Variants in FCHSD2 observed in about 807,000 individuals in gnomAD.
FCHSD2 encodes FCH and double SH3 domains 2, also known as F-BAR and double SH3 domains protein 2.
In FCHSD2, 38 loss-of-function variants were observed where a neutral mutation model predicts 108.1. The observed-to-expected ratio is 0.35, with a 90% CI of 0.27 to 0.46. The LOEUF is 0.46. Among genes scored for constraint, FCHSD2 ranks in the 20% least tolerant of loss-of-function variants. FCHSD2 has a pLI of 1.00. For missense variants in FCHSD2, 751 were observed against 897.8 expected (o/e 0.84, Z 2.09); for synonymous variants, 279 against 314.7 (o/e 0.89, Z 1.20).
Position 72,837,495 on chromosome 11 carries a change from G to A in FCHSD2, c.*1296C>T, listed in dbSNP as rs1403388065. Reference sequence around the variant, plus strand: ...AAAAAAAAAACAAACCACAACCGGCGAACATCCCTTAGTCCCTAGGTATTG... The same window carrying A: ...AAAAAAAAAACAAACCACAACCGGCAAACATCCCTTAGTCCCTAGGTATTG... On this transcript the variant is annotated 3_prime_UTR_variant, in exon 20 of 20. Coordinates refer to ENST00000409418, the MANE Select transcript of FCHSD2 (RefSeq NM_014824.3). 2.0e-5 allele frequency: 3 copies of A among 151,102 alleles called. No homozygotes were observed. Among genetic ancestry groups the A allele is most frequent in the African/African-American group, 7.3e-5 (3 of 41,130 alleles). The allele number at this position is 151,102 out of a possible 1,614,324, so 9.4% of individuals were successfully genotyped here. A position where few individuals can be genotyped will look rare whatever the true frequency, so the allele number is the denominator to read the frequency against.
At position 72,849,751 on chromosome 11, in the gene FCHSD2, A is replaced by C; in HGVS notation, c.1443+4T>G. 1 of 1,606,578 alleles carries C rather than the reference A, an allele frequency of 6.2e-7. No individual in the cohort carries two copies. Among genetic ancestry groups the C allele is most frequent in the South Asian group, 1.1e-5 (1 of 90,362 alleles). On this transcript the variant is annotated splice_donor_region_variant and intron_variant, in intron 14 of 19. Coordinates refer to ENST00000409418, the MANE Select transcript of FCHSD2 (RefSeq NM_014824.3). ...TAATAACATTATGTTGGAGAAATAC[A>C]AACCTTGTAGGAATAAACAACTTTG...
chr11:73,023,576 C>T (rs1256820050), intron 3 of FCHSD2, among the ~76,000 whole-genome samples: 57 of 152,116 alleles, frequency 3.7e-4, no homozygotes, highest in Non-Finnish European at 5.9e-5. Flanking sequence ...ACTCCTTCAA[C>T]GGTGGTGGGA....
intron 4 of FCHSD2, among the ~76,000 whole-genome samples, chr11:73,009,291 G>A (rs185045639): frequency 6.6e-5 from 10 of 152,252 alleles, no homozygotes; most frequent in Admixed American, 5.9e-4. Context: ...AGATCAAAGA[G>A]TTTGAGACCA....
intron 4 of FCHSD2, among the ~76,000 whole-genome samples, chr11:73,004,817 C>T (rs1422656030): frequency 6.6e-6 from 1 of 152,090 alleles, no homozygotes; most frequent in Non-Finnish European, 1.5e-5. Context: ...ACTACATTTC[C>T]TTAATCCATT....
chr11:73,129,278 GGGGTCCCCAACCCCCAGGCCAC>G (rs1860934871), intron 2 of FCHSD2, among the ~76,000 whole-genome samples: 1 of 152,164 alleles, frequency 6.6e-6, no homozygotes, highest in Admixed American at 6.5e-5. Context: ...CTCTAAACCA[GGGGTCCCCAACCCCCAGGCCAC>G]GGACCACTAA....
At chr11:72,996,779 C>G (rs997896739) in intron 5 of FCHSD2, among the ~76,000 whole-genome samples, 11 of 152,162 alleles carry the variant, frequency 7.2e-5, no homozygotes, top group African/African-American at 2.7e-4. Flanking sequence ...AAAAGTTGAA[C>G]AAAATACATT....
chr11:72,941,468 G>GTTTTATATTCCCCACTCTATTTTATAT (rs60755272), intron 8 of FCHSD2, among the ~76,000 whole-genome samples: 35,249 of 151,048 alleles, frequency 0.23, 4,206 homozygotes, highest in Middle Eastern at 0.32. Flanking sequence ...ATAAAATATA[G>GTTTTATATTCCCCACTCTATTTTATAT]ACTCCCAACT....
In FCHSD2 at chr11:72,875,581, C is replaced by T. The variant is rs1463188790; in HGVS notation, c.1147-7555G>A. ...TGGCCTCAAACGATCCTTCCGCCCT[C>T]CTGCCCTGGCCTCCCAAAATGCTGG... On this transcript the variant is annotated intron_variant, in intron 12 of 19. Transcript: ENST00000409418. Among the ~76,000 whole-genome samples, 5 of 152,186 alleles carry T rather than the reference C, an allele frequency of 3.3e-5. No homozygotes were observed. In the East Asian group the frequency reaches 7.7e-4, roughly 23 times the overall value.
At chr11:72,841,035 G>C (rs1555038735) in intron 18 of FCHSD2, 76 bp from the exon 19 acceptor site, 2 of 1,106,060 alleles carry the variant, frequency 1.8e-6, no homozygotes, top group Non-Finnish European at 2.7e-6. Flanking sequence ...TGGCATGGTG[G>C]CTTGAGCCTG....
intron 2 of FCHSD2, among the ~76,000 whole-genome samples, chr11:73,136,349 C>T (rs1220673669): frequency 6.6e-6 from 1 of 151,724 alleles, no homozygotes; most frequent in Non-Finnish European, 1.5e-5. Flanking sequence ...CTGCTTGAAC[C>T]CAAAGTTCAA....
At chr11:72,873,674 T>C (rs916774540) in intron 12 of FCHSD2, among the ~76,000 whole-genome samples, 23 of 152,206 alleles carry the variant, frequency 1.5e-4, no homozygotes, top group African/African-American at 5.5e-4. Flanking sequence ...GACTTACCCC[T>C]GTGGTTTTTT....
chr11:73,075,083 C>T (rs183684314), intron 3 of FCHSD2, among the ~76,000 whole-genome samples: 1 of 152,200 alleles, frequency 6.6e-6, no homozygotes, highest in Admixed American at 6.5e-5. Context: ...CAGGAAAGTG[C>T]AAATCAAACC....
chr11:73,055,012 C>T (rs1244897944), intron 3 of FCHSD2, among the ~76,000 whole-genome samples: 1 of 152,086 alleles, frequency 6.6e-6, no homozygotes, highest in Admixed American at 6.6e-5. Flanking sequence ...TTCCACGTGG[C>T]TGGGGAGGCC....
chr11:72,867,798 T>C (rs1854762346), intron 13 of FCHSD2, 67 bp downstream of exon 13: 1 of 1,432,856 alleles, frequency 7.0e-7, no homozygotes, highest in Admixed American at 2.4e-5. Context: ...ATTATTAAGT[T>C]TGACTACAGA....
chr11:72,987,912 T>C (rs1172915946), intron 6 of FCHSD2, among the ~76,000 whole-genome samples: 1 of 152,188 alleles, frequency 6.6e-6, no homozygotes, highest in Non-Finnish European at 1.5e-5. Flanking sequence ...GTACAGGAAA[T>C]ATTTGTAGGT....
chr11:73,097,227 C>T (rs1860108162), intron 2 of FCHSD2, among the ~76,000 whole-genome samples: 1 of 151,448 alleles, frequency 6.6e-6, no homozygotes, highest in African/African-American at 2.4e-5. Flanking sequence ...TGGTCTTAAA[C>T]TTCTGAGCTC....
intron 8 of FCHSD2, among the ~76,000 whole-genome samples, chr11:72,953,245 G>C (rs1856650269): frequency 6.6e-6 from 1 of 152,160 alleles, no homozygotes; most frequent in Non-Finnish European, 1.5e-5. Flanking sequence ...AAGGTAGTGA[G>C]GTAAACTCCA....
intron 12 of FCHSD2, among the ~76,000 whole-genome samples, chr11:72,874,377 C>G (rs999478146): frequency 3.3e-5 from 5 of 152,108 alleles, no homozygotes; most frequent in Non-Finnish European, 7.4e-5. Flanking sequence ...TTTGTAGAGA[C>G]AGCTGTCTCA....
At chr11:73,140,509 G>A (rs978442078) in intron 1 of FCHSD2, among the ~76,000 whole-genome samples, 3 of 152,222 alleles carry the variant, frequency 2.0e-5, no homozygotes, top group Admixed American at 2.0e-4. Context: ...TGAGCAGAGT[G>A]TGGATGGGGG....
Sources: gnomAD v4.1 joint callset for allele counts (sites outside exome capture counted in the v4.1 genomes callset) on GRCh38, gnomAD v4.1.1 for gene constraint, MANE v1.5 for transcripts, NCBI Gene and HGNC (gene_info 2026-07-23, HGNC 2026-07-21) for gene names.